Variants in RHBDD1 observed in about 807,000 individuals in gnomAD.
RHBDD1 encodes rhomboid domain containing 1, also known as rhomboid-related protein 4.
Under a neutral mutation model 36.3 loss-of-function variants are expected in RHBDD1, and 38 were observed. The observed-to-expected ratio is 1.05, with a 90% CI of 0.81 to 1.37. The LOEUF (loss-of-function observed/expected upper bound fraction) is 1.37, where lower values mean the gene tolerates loss of function less well. RHBDD1 is among the 40% of genes most tolerant of loss of function. RHBDD1 has a pLI of 0.00. For synonymous variants in RHBDD1, 151 were observed against 136.5 expected (o/e 1.11, Z -0.74); for missense variants, 393 against 377.6 (o/e 1.04, Z -0.34).
intron 8 of RHBDD1, among the ~76,000 whole-genome samples, chr2:226,927,583 G>A (rs188002392): frequency 2.1e-4 from 32 of 151,828 alleles, no homozygotes; most frequent in African/African-American, 4.1e-4. Context: ...ACCAGTTTTC[G>A]TTCCTGCCGG....
chr2:226,801,341 GT>G, the RHBDD1 span, among the ~76,000 whole-genome samples: 1 of 152,172 alleles, frequency 6.6e-6, no homozygotes, highest in Non-Finnish European at 1.5e-5. Context: ...GGGTAGAAGG[GT>G]TGAGGGTACC....
At position 226,906,798 on chromosome 2, in the gene RHBDD1, C is replaced by T; in HGVS notation, c.572C>T (p.Ser191Phe). The T allele has an allele frequency of 1.9e-6, 3 of 1,614,104 alleles. No individual in the cohort carries two copies. The highest frequency in any genetic ancestry group is 1.7e-6 in the Non-Finnish European group (2 of 1,179,970). ...AGGGTCTCCTTCCCTCCTAGGACTT[C>T]CTTCGCTGGGCATCTGGCTGGGATT... ...VAIHLFSPGT[S>F]FAGHLAGILV... Residue 191 changes from serine to phenylalanine, a missense_variant, in exon 6 of 9, where the codon TCC becomes TTC. Physicochemically the swap from Ser to Phe is radical, Grantham distance 155. Coordinates refer to ENST00000392062, the MANE Select transcript of RHBDD1 (RefSeq NM_001167608.3).
At chr2:226,909,378 G>A (rs556082718) in intron 7 of RHBDD1, among the ~76,000 whole-genome samples, 1 of 152,194 alleles carries the variant, frequency 6.6e-6, no homozygotes, top group Admixed American at 6.5e-5. Flanking sequence ...AAGACTTCCT[G>A]TTAAAAGCGT....
intron 8 of RHBDD1, among the ~76,000 whole-genome samples, chr2:226,931,625 T>C (rs923300987): frequency 3.9e-5 from 6 of 152,086 alleles, no homozygotes; most frequent in Non-Finnish European, 5.9e-5. Context: ...AAAAATTACT[T>C]GTACCCCTAA....
chr2:226,898,811 C>G (rs1002133922), intron 5 of RHBDD1, among the ~76,000 whole-genome samples: 17 of 152,192 alleles, frequency 1.1e-4, no homozygotes, highest in Admixed American at 9.2e-4. Flanking sequence ...GCAGCCCCTA[C>G]CTGCTATTAA....
intron 3 of RHBDD1, among the ~76,000 whole-genome samples, chr2:226,841,477 C>T (rs1251872081): frequency 1.3e-5 from 2 of 152,150 alleles, no homozygotes; most frequent in African/African-American, 2.4e-5. Context: ...TGACAGGCCC[C>T]AGTGTGTGGT....
chr2:226,863,428 T>A (rs974309468), intron 3 of RHBDD1, among the ~76,000 whole-genome samples: 1 of 152,212 alleles, frequency 6.6e-6, no homozygotes, highest in Admixed American at 6.5e-5. Flanking sequence ...AGGCAATACC[T>A]TCTGTATTAG....
the RHBDD1 span, among the ~76,000 whole-genome samples, chr2:226,810,540 CAAAAA>C: frequency 8.9e-5 from 3 of 33,882 alleles, no homozygotes; most frequent in African/African-American, 2.8e-4. Flanking sequence ...GACTCCGTCT[CAAAAA>C]AAAAAAAAAA....
At chr2:226,881,230 C>T (rs1484466810) in intron 5 of RHBDD1, among the ~76,000 whole-genome samples, 1 of 152,150 alleles carries the variant, frequency 6.6e-6, no homozygotes, top group African/African-American at 2.4e-5. Context: ...CTGGTCTCTC[C>T]CTTGACACTT....
At chr2:226,939,283 A>G (rs977041965) in intron 8 of RHBDD1, among the ~76,000 whole-genome samples, 2 of 152,202 alleles carry the variant, frequency 1.3e-5, no homozygotes, top group African/African-American at 2.4e-5. Context: ...GGCCAGGGCA[A>G]TCGAACAAGA....
rs566418681 is a variant in RHBDD1 at position 226,988,591 on chromosome 2, G to A, written c.857-6840G>A. The A allele has an allele frequency of 3.7e-6, 5 of 1,366,800 alleles. No individual in the cohort carries two copies. The South Asian group carries it at 8.2e-5, about 22-fold the overall frequency. The allele number at this position is 1,366,800 out of a possible 1,614,324, so 84.7% of individuals were successfully genotyped here. On this transcript the variant is annotated intron_variant, in intron 8 of 8. Coordinates refer to ENST00000392062, the MANE Select transcript of RHBDD1 (RefSeq NM_001167608.3). ...AATCTGCATCAGAAACATCAGAAGA[G>A]GCCGGGGGCTCCAGCTGCCCCTCCG...
At chr2:226,888,681 G>C (rs1053559685) in intron 5 of RHBDD1, among the ~76,000 whole-genome samples, 2 of 152,056 alleles carry the variant, frequency 1.3e-5, no homozygotes, top group Non-Finnish European at 2.9e-5. Flanking sequence ...GTAAAGCATA[G>C]TACTGTGTAC....
chr2:226,940,741 G>A lies in RHBDD1; in HGVS notation c.856+26390G>A, dbSNP rs545898349. On this transcript the variant is annotated intron_variant, in intron 8 of 8. Transcript: ENST00000392062. ...TAGAGGTCATCATATCTGACACGTT[G>A]GTTTCAGATCAGGAAACAGAGAAAA... 3.9e-5 allele frequency among the ~76,000 whole-genome samples: 6 copies of A among 152,220 alleles called. No homozygotes were observed. The South Asian group carries it at 1.2e-3, about 32-fold the overall frequency.
At chr2:226,863,830 C>T (rs1944075100) in intron 3 of RHBDD1, among the ~76,000 whole-genome samples, 1 of 152,190 alleles carries the variant, frequency 6.6e-6, no homozygotes, top group South Asian at 2.1e-4. Flanking sequence ...GAGAAGCGGG[C>T]TAGTAAGCCA....
At chr2:226,973,305 C>G (rs1261916934) in intron 8 of RHBDD1, among the ~76,000 whole-genome samples, 1 of 152,196 alleles carries the variant, frequency 6.6e-6, no homozygotes, top group Non-Finnish European at 1.5e-5. Flanking sequence ...TTAAGGAAAT[C>G]ATTACTCAAA....
rs1236269454 is a variant in RHBDD1, at chr2:226,906,818, G to A, written c.592G>A (p.Gly198Arg). The change falls in exon 6 of 9, where the codon GGG becomes AGG. Residue 198 changes from glycine (G) to arginine (R), a missense_variant. By Grantham distance (125) the Gly-to-Arg change is moderately radical. Coordinates refer to ENST00000392062, the MANE Select transcript of RHBDD1 (RefSeq NM_001167608.3). The part of the protein sequence containing the change: ...PGTSFAGHLA[G>R]ILVGLMYTQG... ...GACTTCCTTCGCTGGGCATCTGGCTGGGATTCTTGTTGGACTAATGTACAC... is the reference window on the plus strand; with the variant it reads ...GACTTCCTTCGCTGGGCATCTGGCTAGGATTCTTGTTGGACTAATGTACAC... 18 of 1,613,984 alleles carry A rather than the reference G, an allele frequency of 1.1e-5. No individual in the cohort carries two copies. The highest frequency in any genetic ancestry group is 1.4e-5 in the Non-Finnish European group (16 of 1,180,004).
chr2:226,961,186 G>C (rs1952168564), intron 8 of RHBDD1, among the ~76,000 whole-genome samples: 1 of 152,114 alleles, frequency 6.6e-6, no homozygotes, highest in Admixed American at 6.5e-5. Flanking sequence ...TGGAATCCCA[G>C]CTCTGCCTCT....
At chr2:226,815,862 TTCTC>T in the RHBDD1 span, among the ~76,000 whole-genome samples, 77 of 152,348 alleles carry the variant, frequency 5.1e-4, no homozygotes, top group East Asian at 0.011. Flanking sequence ...AGGTTAAATT[TTCTC>T]TCTCTATTAT....
chr2:226,866,532 C>G (rs981791501), intron 4 of RHBDD1, among the ~76,000 whole-genome samples: 1 of 152,156 alleles, frequency 6.6e-6, no homozygotes, highest in Admixed American at 6.5e-5. Context: ...GGACTTGAGC[C>G]CAGTCTACAG....
Sources: gnomAD v4.1 joint callset for allele counts (sites outside exome capture counted in the v4.1 genomes callset) on GRCh38, gnomAD v4.1.1 for gene constraint, MANE v1.5 for transcripts, NCBI Gene and HGNC (gene_info 2026-07-23, HGNC 2026-07-21) for gene names.